Variants in MAPK10 observed in about 807,000 individuals in gnomAD.
MAPK10 encodes the protein mitogen-activated protein kinase 10.
A neutral mutation model predicts 59.3 loss-of-function variants in MAPK10; 25 were observed. The ratio of observed to expected loss-of-function variants is 0.42; its 90% confidence interval spans 0.31 to 0.59. The LOEUF is 0.59. MAPK10 is among the 20% of genes least tolerant of loss of function. MAPK10 has a pLI of 0.15. For missense variants in MAPK10, 351 were observed against 568.9 expected (o/e 0.62, Z 3.90); for synonymous variants, 190 against 200.5 (o/e 0.95, Z 0.44).
Position 86,312,253 on chromosome 4 carries a change from A to C in MAPK10, c.-7+42277T>G, listed in dbSNP as rs1578083120. 2.0e-5 allele frequency among the ~76,000 whole-genome samples: 3 copies of C among 152,156 alleles called. No individual in the cohort carries two copies. In the East Asian group the frequency reaches 5.8e-4, roughly 29 times the overall value. Reference sequence around the variant, plus strand: ...ATTTTTGGACAGAACTAATGGTTTTAAATGCTGCTCTTTATATTAAACTAA... The same window carrying C: ...ATTTTTGGACAGAACTAATGGTTTTCAATGCTGCTCTTTATATTAAACTAA... On this transcript the variant is annotated intron_variant, in intron 2 of 13. Transcript: ENST00000641462.
intron 1 of MAPK10, among the ~76,000 whole-genome samples, chr4:86,390,344 A>G (rs1216862618): frequency 6.6e-6 from 1 of 152,198 alleles, no homozygotes; most frequent in Admixed American, 6.5e-5. Context: ...TGAGATGCCA[A>G]AATAAAAGGC....
intron 2 of MAPK10, among the ~76,000 whole-genome samples, chr4:86,241,606 A>G (rs2092724836): frequency 6.6e-6 from 1 of 151,746 alleles, no homozygotes; most frequent in Admixed American, 6.6e-5. Flanking sequence ...CCTTTCTTCC[A>G]CTTGGTTGAT....
At chr4:86,277,480 A>AT (rs1245675824) in intron 2 of MAPK10, among the ~76,000 whole-genome samples, 1 of 152,164 alleles carries the variant, frequency 6.6e-6, no homozygotes, top group African/African-American at 2.4e-5. Context: ...CTTAGCAGTG[A>AT]TAATCTAATA....
chr4:86,110,616 T>C (rs1248803011), intron 4 of MAPK10, among the ~76,000 whole-genome samples: 1 of 152,228 alleles, frequency 6.6e-6, no homozygotes, highest in Non-Finnish European at 1.5e-5. Flanking sequence ...AACATTACCA[T>C]GCTGTTTTGG....
At chr4:86,531,299 C>T (rs527618626) in intron 1 of MAPK10, among the ~76,000 whole-genome samples, 4 of 152,172 alleles carry the variant, frequency 2.6e-5, no homozygotes, top group Non-Finnish European at 5.9e-5. Flanking sequence ...TTTAAGGTCC[C>T]TCACGCTGAG....
intron 3 of MAPK10, among the ~76,000 whole-genome samples, chr4:86,188,734 G>A (rs2078902437): frequency 6.6e-6 from 1 of 152,152 alleles, no homozygotes; most frequent in African/African-American, 2.4e-5. Flanking sequence ...CTGTGCAGAA[G>A]CTCTTTAGTT....
chr4:86,429,948 T>C (rs180827708), intron 1 of MAPK10: 8 of 152,354 alleles, frequency 5.3e-5, no homozygotes, highest in Admixed American at 1.3e-4. Context: ...TACTGTAATA[T>C]TAACTTATTT....
At chr4:86,573,858 A>G (rs987873265) in intron 1 of MAPK10, among the ~76,000 whole-genome samples, 4 of 152,100 alleles carry the variant, frequency 2.6e-5, no homozygotes, top group Admixed American at 1.3e-4. Flanking sequence ...TATTTTTTAA[A>G]TGTCAATTTC....
At chr4:86,250,796 C>A (rs569460275) in intron 2 of MAPK10, among the ~76,000 whole-genome samples, 2 of 152,132 alleles carry the variant, frequency 1.3e-5, no homozygotes, top group African/African-American at 2.4e-5. Flanking sequence ...TCTCAAAGAG[C>A]CAGACTGATT....
At chr4:86,076,069 G>C (rs192149283) in intron 9 of MAPK10, among the ~76,000 whole-genome samples, 2 of 152,106 alleles carry the variant, frequency 1.3e-5, no homozygotes, top group Non-Finnish European at 2.9e-5. Context: ...AGGACCCTCC[G>C]AGCCAGGTGT....
chr4:86,532,018 T>G (rs1227820417), intron 1 of MAPK10, among the ~76,000 whole-genome samples: 1 of 150,266 alleles, frequency 6.7e-6, no homozygotes, highest in African/African-American at 2.4e-5. Flanking sequence ...GTGAGACCTC[T>G]GTCTCTAAAT....
chr4:86,306,543 G>A (rs966527866), intron 2 of MAPK10, among the ~76,000 whole-genome samples: 4 of 152,156 alleles, frequency 2.6e-5, no homozygotes, highest in African/African-American at 7.2e-5. Context: ...CAAATCAGTT[G>A]CATCAGTTTA....
At chr4:86,260,849 C>T (rs2093955887) in intron 2 of MAPK10, among the ~76,000 whole-genome samples, 1 of 152,106 alleles carries the variant, frequency 6.6e-6, no homozygotes, top group African/African-American at 2.4e-5. Flanking sequence ...ATTTATTCAA[C>T]TAACTTTACT....
At chr4:86,442,117 T>A (rs1380290454) in intron 1 of MAPK10, among the ~76,000 whole-genome samples, 2 of 152,186 alleles carry the variant, frequency 1.3e-5, no homozygotes, top group African/African-American at 4.8e-5. Flanking sequence ...CAAAAGCAGA[T>A]GTATTCATGG....
intron 1 of MAPK10, among the ~76,000 whole-genome samples, chr4:86,541,947 GCACACACA>G (rs10555824): frequency 0.021 from 2,993 of 140,436 alleles, 77 homozygotes; most frequent in African/African-American, 0.06. Context: ...GAATACACCG[GCACACACA>G]CACACACACA....
At chr4:86,210,239 C>A (rs1353562122) in intron 2 of MAPK10, among the ~76,000 whole-genome samples, 1 of 151,868 alleles carries the variant, frequency 6.6e-6, no homozygotes, top group African/African-American at 2.4e-5. Flanking sequence ...GAGTAATACC[C>A]CACAAGAATA....
chr4:86,165,101 G>A (rs1299583599), intron 3 of MAPK10, among the ~76,000 whole-genome samples: 2 of 152,200 alleles, frequency 1.3e-5, no homozygotes, highest in African/African-American at 4.8e-5. Context: ...AAGTGCACTT[G>A]TGGAAAATTA....
chr4:86,500,595 T>C (rs1419242987), intron 1 of MAPK10, among the ~76,000 whole-genome samples: 1 of 152,190 alleles, frequency 6.6e-6, no homozygotes. Context: ...ACCTGTATCC[T>C]GTAGAACTCA....
rs1353900295 is a variant in MAPK10 at position 86,288,806 on chromosome 4, A to T, written c.-7+65724T>A. On this transcript the variant is annotated intron_variant, in intron 2 of 13. Coordinates refer to ENST00000641462, the MANE Select transcript of MAPK10 (RefSeq NM_138982.4). ...GTGCTATGATAGGTTTTTAAATAGG[A>T]GGGTATGGAAATTCAAAAGAGAGAT... is the stretch of plus-strand genomic sequence containing the variant. Among the ~76,000 whole-genome samples, 6 of 152,090 alleles carry T rather than the reference A, an allele frequency of 3.9e-5. No individual in the cohort carries two copies. The East Asian group carries it at 1.2e-3, about 29-fold the overall frequency.
Sources: allele counts gnomAD v4.1 joint callset (sites outside exome capture counted in the v4.1 genomes callset), GRCh38; gene constraint gnomAD v4.1.1; transcripts MANE v1.5; gene names NCBI Gene and HGNC (gene_info 2026-07-23, HGNC 2026-07-21).